Variants in GGT5 observed in about 807,000 individuals in gnomAD.
GGT5 encodes the protein glutathione hydrolase 5 proenzyme.
In GGT5, 50 loss-of-function variants were observed where a neutral mutation model predicts 58.1. The ratio of observed to expected loss-of-function variants is 0.86; its 90% CI spans 0.69 to 1.09. The LOEUF (loss-of-function observed/expected upper bound fraction) is 1.09. Among genes scored for constraint, GGT5 ranks in the 50% least tolerant of loss-of-function variants. The pLI is 0.00. For synonymous variants in GGT5, 370 were observed against 346.1 expected (o/e 1.07, Z -0.77); for missense variants, 800 against 789.4 (o/e 1.01, Z -0.16).
intron 1 of GGT5, among the ~76,000 whole-genome samples, chr22:24,235,492 C>T (rs2048070675): frequency 6.6e-6 from 1 of 152,072 alleles, no homozygotes. Flanking sequence ...CTGTCCTGAC[C>T]TAGCATGTCC....
intron 5 of GGT5, 60 bp from the exon 6 acceptor site, chr22:24,231,590 C>A: frequency 6.6e-7 from 1 of 1,513,650 alleles, no homozygotes; most frequent in East Asian, 2.4e-5. Context: ...GGAGGAATAG[C>A]CACTGCTGTC....
At position 24,231,479 on chromosome 22, in the gene GGT5, T is replaced by A; in HGVS notation, c.806A>T (p.Asp269Val). The part of the protein sequence containing the change: ...DLAKFQPEVV[D>V]ALEVPLGDYT... ...GTCCCCCAGGGGCACCTCCAGGGCA[T>A]CCACCACCTCGGGCTGGAACTTGGC... The change falls in exon 6 of 12, where the codon GAT (aspartate) becomes GTT (valine). Residue 269 changes from aspartate (D) to valine (V), a missense_variant. Coordinates refer to ENST00000327365, the MANE Select transcript of GGT5 (RefSeq NM_004121.5). 2 of 1,581,678 alleles carry A rather than the reference T, an allele frequency of 1.3e-6. No homozygotes were observed. Among genetic ancestry groups the A allele is most frequent in the Non-Finnish European group, 8.6e-7 (1 of 1,163,680 alleles).
In GGT5 at chr22:24,231,614, G is replaced by A. The variant is rs935103866; in HGVS notation, c.755-84C>T. On this transcript the variant is annotated intron_variant, in intron 5 of 11. Coordinates refer to ENST00000327365, the MANE Select transcript of GGT5 (RefSeq NM_004121.5). ...GCCACTGCTGTCAGGTCACACAATG[G>A]GATTCCACTCATGCTTTTGCCTTGT... 1.2e-5 allele frequency: 16 copies of A among 1,340,640 alleles called. No individual in the cohort carries two copies. The African/African-American group carries it at 2.3e-4, about 19-fold the overall frequency. 83.0% of individuals were successfully genotyped at this position (1,340,640 alleles called of 1,614,324 possible).
rs1273239063 is a variant in GGT5 at position 24,228,048 on chromosome 22, C to CAAAAAAAAAAAAAAAAAAAAAAAA, written c.902-1282_902-1281insTTTTTTTTTTTTTTTTTTTTTTTT. On this transcript the variant is annotated intron_variant, in intron 6 of 11. Coordinates refer to ENST00000327365, the MANE Select transcript of GGT5 (RefSeq NM_004121.5). Reference sequence around the variant, plus strand: ...TAGTAAACAGAGCAAGACTCTGTCTCAAAAAAAAAAAAAAAAAACAAAACA... The same window carrying CAAAAAAAAAAAAAAAAAAAAAAAA: ...TAGTAAACAGAGCAAGACTCTGTCTCAAAAAAAAAAAAAAAAAAAAAAAAAAAAAAAAAAAAAAAAAACAAAACA... Among the ~76,000 whole-genome samples the CAAAAAAAAAAAAAAAAAAAAAAAA allele has an allele frequency of 2.3e-4, 5 of 22,072 alleles. 1 individual carries two copies. The highest frequency in any genetic ancestry group is 3.6e-4 in the Non-Finnish European group (4 of 11,208). 14.5% of individuals were successfully genotyped at this position (22,072 alleles called of 152,430 possible).
intron 9 of GGT5, 50 bp from the exon 10 acceptor site, chr22:24,225,461 A>G: frequency 1.2e-6 from 2 of 1,601,726 alleles, no homozygotes; most frequent in South Asian, 2.2e-5. Flanking sequence ...TCCAGGGGTT[A>G]GCATGCAACC....
chr22:24,220,587 A>G (rs2047560565), intron 11 of GGT5: 1 of 453,842 alleles, frequency 2.2e-6, no homozygotes. Context: ...TCCTGTTTCT[A>G]AAAAATAAAA....
chr22:24,226,499 A>G, intron 7 of GGT5, 132 bp downstream of exon 7: 1 of 999,652 alleles, frequency 1.0e-6, no homozygotes, highest in Non-Finnish European at 1.5e-6. Flanking sequence ...GATCCCTTTC[A>G]GTCCTGCCCT....
chr22:24,242,875 C>T (rs1009664545), intron 1 of GGT5: 2 of 152,280 alleles, frequency 1.3e-5, no homozygotes, highest in Non-Finnish European at 2.9e-5. Flanking sequence ...CCCAGGCTCT[C>T]TTCCACTCCC....
chr22:24,229,676 AT>A (rs775945384), intron 6 of GGT5, among the ~76,000 whole-genome samples: 28 of 151,728 alleles, frequency 1.8e-4, no homozygotes, highest in Non-Finnish European at 3.4e-4. Context: ...TACTAAAAAA[AT>A]AAAATAAATA....
Position 24,225,329 on chromosome 22 carries a change from G to T in GGT5, c.1419C>A (p.Pro473=). ...PGERSPSSMV[P]SILINKAQGS... ...CCTGGGCTTTGTTGATCAAGATGGA[G>T]GGCACCATGGAGGATGGGGAACGCT... The change falls in exon 10 of 12, where the codon CCC becomes CCA. Residue 473 remains proline, a synonymous_variant. Coordinates refer to ENST00000327365, the MANE Select transcript of GGT5 (RefSeq NM_004121.5). 2.5e-6 allele frequency: 4 copies of T among 1,613,938 alleles called. No homozygotes were observed. The highest frequency in any genetic ancestry group is 3.4e-6 in the Non-Finnish European group (4 of 1,179,914).
At chr22:24,235,050 CTTTTTTTTT>C (rs71189232) in intron 1 of GGT5, among the ~76,000 whole-genome samples, 1 of 75,662 alleles carries the variant, frequency 1.3e-5, no homozygotes, top group Admixed American at 1.7e-4. Flanking sequence ...AAGAAGCCAG[CTTTTTTTTT>C]TTTTTTTTTT....
In GGT5 at chr22:24,233,586, C is replaced by T; in HGVS notation, c.312G>A (p.Val104=). The T allele has an allele frequency of 1.2e-6, 2 of 1,605,214 alleles. No homozygotes were observed. Among genetic ancestry groups the T allele is most frequent in the African/African-American group, 1.3e-5 (1 of 74,916 alleles). The part of the protein sequence containing the change: ...FTIYNVTTGK[V]EVINARETVP... The stretch of plus-strand genomic sequence containing the variant: ...CCGTCTCCCGGGCATTGATGACCTC[C>T]ACCTTCCCTGGAGTAGGGCAGGGCA... The change falls in exon 3 of 12, where the codon GTG becomes GTA. Residue 104 remains valine, a synonymous_variant. Transcript: ENST00000327365.
intron 1 of GGT5, among the ~76,000 whole-genome samples, chr22:24,240,486 T>G (rs1218069597): frequency 6.6e-6 from 1 of 151,400 alleles, no homozygotes; most frequent in Non-Finnish European, 1.5e-5. Context: ...AAGAAAGCTG[T>G]ATAACTTTTT....
At chr22:24,234,327 G>C (rs1231649853) in intron 1 of GGT5, among the ~76,000 whole-genome samples, 1 of 152,146 alleles carries the variant, frequency 6.6e-6, no homozygotes, top group Non-Finnish European at 1.5e-5. Context: ...ACGAGGCCTC[G>C]GCCACCTCTC....
intron 1 of GGT5, among the ~76,000 whole-genome samples, chr22:24,236,926 G>A (rs1274014360): frequency 6.6e-6 from 1 of 151,886 alleles, no homozygotes; most frequent in Non-Finnish European, 1.5e-5. Flanking sequence ...GACAGGCAAG[G>A]CCAGCATTCC....
intron 1 of GGT5, among the ~76,000 whole-genome samples, chr22:24,238,825 ATATATATTTATAT>A (rs1297004520): frequency 0.026 from 380 of 14,690 alleles, 23 homozygotes; most frequent in African/African-American, 0.071. Flanking sequence ...ATATATATAT[ATATATATTTATAT>A]ATATATATTA....
intron 11 of GGT5, chr22:24,220,797 C>T (rs559191227): frequency 6.0e-5 from 24 of 397,612 alleles, no homozygotes; most frequent in African/African-American, 1.9e-4. Context: ...TTTGGGAGGC[C>T]GGCGCAGGAG....
chr22:24,234,125 C>G (rs2275985), intron 1 of GGT5, 121 bp from the exon 2 acceptor site: 1 of 909,872 alleles, frequency 1.1e-6, no homozygotes, highest in African/African-American at 1.6e-5. Flanking sequence ...GCCACCAAAC[C>G]GCAGATTAGG....
chr22:24,230,701 A>G (rs2047911533), intron 6 of GGT5, among the ~76,000 whole-genome samples: 1 of 152,138 alleles, frequency 6.6e-6, no homozygotes, highest in Non-Finnish European at 1.5e-5. Context: ...CCCTGAATAC[A>G]CACATAGTTT....
Sources: gnomAD v4.1 joint callset for allele counts (sites outside exome capture counted in the v4.1 genomes callset) on GRCh38, gnomAD v4.1.1 for gene constraint, MANE v1.5 for transcripts, NCBI Gene and HGNC (gene_info 2026-07-23, HGNC 2026-07-21) for gene names.